Variants in FAM227A observed in about 807,000 individuals in gnomAD.
FAM227A encodes protein FAM227A.
FAM227A carries 80 observed loss-of-function variants against 74.7 expected under a neutral mutation model. That is an observed-to-expected ratio of 1.07 (90% confidence interval 0.89 to 1.29). The LOEUF is 1.29. FAM227A is among the 50% of genes most tolerant of loss of function. The probability of loss-of-function intolerance (pLI) is 0.00; values close to 1 mark genes in which losing one functional copy is unlikely to be tolerated. For missense variants in FAM227A, 654 were observed against 683.4 expected, an observed-to-expected ratio of 0.96 and a Z score of 0.48; for synonymous variants, 237 against 241.8, an observed-to-expected ratio of 0.98 and a Z score of 0.19.
chr22:38,590,150 G>A (rs1002800418), intron 16 of FAM227A, among the ~76,000 whole-genome samples: 1 of 151,342 alleles, frequency 6.6e-6, no homozygotes, highest in Non-Finnish European at 1.5e-5. Context: ...ATGGTGGCAC[G>A]CGCCTGTAGT....
chr22:38,645,752 TAATTA>T, intron 2 of FAM227A, 107 bp from the exon 3 acceptor site: 1 of 656,708 alleles, frequency 1.5e-6, no homozygotes, highest in Non-Finnish European at 2.6e-6. Flanking sequence ...CCTCTCTCCT[TAATTA>T]TTTTCTTTGC....
At chr22:38,634,053 T>A (rs1391548491) in intron 6 of FAM227A, among the ~76,000 whole-genome samples, 1 of 151,482 alleles carries the variant, frequency 6.6e-6, no homozygotes, top group Non-Finnish European at 1.5e-5. Flanking sequence ...ACCCTGTCTC[T>A]ACTAAAAATA....
chr22:38,625,679 C>G (rs1411943608), intron 9 of FAM227A, among the ~76,000 whole-genome samples: 2 of 152,128 alleles, frequency 1.3e-5, no homozygotes, highest in Admixed American at 1.3e-4. Flanking sequence ...GGCGCCATGG[C>G]TCATGCCTGT....
chr22:38,588,167 A>G (rs1210641466), intron 16 of FAM227A, among the ~76,000 whole-genome samples: 2 of 152,216 alleles, frequency 1.3e-5, no homozygotes, highest in African/African-American at 2.4e-5. Flanking sequence ...GCCTCCTTTC[A>G]TGGCTGGTAT....
chr22:38,626,505 C>T (rs552338948), intron 8 of FAM227A, among the ~76,000 whole-genome samples: 3 of 151,874 alleles, frequency 2.0e-5, no homozygotes, highest in African/African-American at 4.8e-5. Context: ...TCAGCCTTCT[C>T]GGTAGCTGGG....
rs972499928 is a variant in FAM227A at position 38,599,713 on chromosome 22, G to A, written c.1379+51C>T. The A allele has an allele frequency of 2.7e-6, 4 of 1,489,512 alleles. No individual in the cohort carries two copies. The Admixed American group carries it at 9.2e-5, about 34-fold the overall frequency. The allele number at this position is 1,489,512 out of a possible 1,614,324, so 92.3% of individuals were successfully genotyped here. ...TCCCTGACCTTTGCTTCTGGGAAGAGGACGCGGGGGCCTGGAGCAGTGCGC... is the reference window on the plus strand; with the variant it reads ...TCCCTGACCTTTGCTTCTGGGAAGAAGACGCGGGGGCCTGGAGCAGTGCGC... On this transcript the variant is annotated intron_variant, in intron 14 of 16. Transcript: ENST00000535113.
chr22:38,643,864 C>A (rs964212769), intron 3 of FAM227A, among the ~76,000 whole-genome samples: 3 of 152,082 alleles, frequency 2.0e-5, no homozygotes, highest in African/African-American at 7.2e-5. Flanking sequence ...CCAGAGGGAA[C>A]TGGCCAGGCG....
At chr22:38,603,776 T>C (rs992047309) in intron 13 of FAM227A, among the ~76,000 whole-genome samples, 1 of 152,134 alleles carries the variant, frequency 6.6e-6, no homozygotes, top group African/African-American at 2.4e-5. Context: ...ACAAATTAGA[T>C]AACAAATGCT....
intron 14 of FAM227A, 152 bp downstream of exon 14, chr22:38,599,612 C>T (rs1385433714): frequency 5.0e-6 from 3 of 595,000 alleles, no homozygotes; most frequent in African/African-American, 3.8e-5. Flanking sequence ...GATTCTGACC[C>T]TGAGGCTCGC....
intron 6 of FAM227A, among the ~76,000 whole-genome samples, chr22:38,634,963 G>A (rs1033190604): frequency 2.0e-5 from 3 of 152,026 alleles, no homozygotes; most frequent in African/African-American, 7.2e-5. Flanking sequence ...AAGAGAGGAG[G>A]GGGTCGGGCG....
chr22:38,645,069 G>C (rs1304071968), intron 3 of FAM227A, among the ~76,000 whole-genome samples: 2 of 146,990 alleles, frequency 1.4e-5, no homozygotes, highest in East Asian at 2.1e-4. Context: ...TCTGGCGACA[G>C]AGCAAGTCTC....
intron 2 of FAM227A, among the ~76,000 whole-genome samples, chr22:38,649,723 C>T (rs1207225445): frequency 6.6e-6 from 1 of 151,766 alleles, no homozygotes; most frequent in Middle Eastern, 3.4e-3. Flanking sequence ...AAAATATTAG[C>T]CAGGTGTGGT....
rs1338126030 is a variant in FAM227A at position 38,656,161 on chromosome 22, CGCCACGGGT to C, written c.-145_-137del. Reference sequence around the variant, plus strand: ...AATTTGACGAACCCGGGGCCGGTCCCGCCACGGGTCCCTCAGGGGACCCCGCAAAGTTCT... The same window carrying C: ...AATTTGACGAACCCGGGGCCGGTCCCCCCTCAGGGGACCCCGCAAAGTTCT... On this transcript the variant is annotated 5_prime_UTR_variant, in exon 1 of 17. Transcript: ENST00000535113. The C allele has an allele frequency of 1.3e-5, 2 of 152,254 alleles. No individual in the cohort carries two copies. Among genetic ancestry groups the C allele is most frequent in the Non-Finnish European group, 2.9e-5 (2 of 68,074 alleles). 9.4% of individuals were successfully genotyped at this position (152,254 alleles called of 1,614,324 possible). A position where few individuals can be genotyped will look rare whatever the true frequency, so the allele number is the denominator to read the frequency against.
At chr22:38,602,913 G>A (rs1365758415) in intron 13 of FAM227A, among the ~76,000 whole-genome samples, 5 of 152,004 alleles carry the variant, frequency 3.3e-5, no homozygotes, top group African/African-American at 9.7e-5. Flanking sequence ...TCACTCTGTC[G>A]CCCAGGCTGG....
At position 38,580,724 on chromosome 22, in the gene FAM227A, C is replaced by A. The variant is rs1228361176; in HGVS notation, c.*5401G>T. On this transcript the variant is annotated 3_prime_UTR_variant, in exon 17 of 17. Transcript: ENST00000535113. ...TGATAAATGCTTATTCATTTACTTA[C>A]CAATTTTCAAAATAATGAGGAAGTT... 1 of 152,176 alleles carries A rather than the reference C, an allele frequency of 6.6e-6. No homozygotes were observed. The highest frequency in any genetic ancestry group is 1.5e-5 in the Non-Finnish European group (1 of 68,036). 9.4% of individuals were successfully genotyped at this position (152,176 alleles called of 1,614,324 possible).
In FAM227A at chr22:38,632,841, C is replaced by T. The variant is rs544866796; in HGVS notation, c.519+3610G>A. Among the ~76,000 whole-genome samples, 21 of 152,290 alleles carry T rather than the reference C, an allele frequency of 1.4e-4. 1 individual carries two copies. The highest frequency in any genetic ancestry group is 5.2e-4 in the Admixed American group (8 of 15,292). Reference sequence around the variant, plus strand: ...ACAACAGAAACACAGTCTTTAGATTCGACAAGGTGAAAGCTAATGATTGAC... The same window carrying T: ...ACAACAGAAACACAGTCTTTAGATTTGACAAGGTGAAAGCTAATGATTGAC... On this transcript the variant is annotated intron_variant, in intron 6 of 16. Coordinates refer to ENST00000535113, the MANE Select transcript of FAM227A (RefSeq NM_001013647.2).
At position 38,582,695 on chromosome 22, in the gene FAM227A, C is replaced by A. The variant is rs915598594; in HGVS notation, c.*3430G>T. 1 of 926,558 alleles carries A rather than the reference C, an allele frequency of 1.1e-6. No individual in the cohort carries two copies. Among genetic ancestry groups the A allele is most frequent in the Non-Finnish European group, 1.6e-6 (1 of 622,606 alleles). The allele number at this position is 926,558 out of a possible 1,614,324, so 57.4% of individuals were successfully genotyped here. A position where few individuals can be genotyped will look rare whatever the true frequency, so the allele number is the denominator to read the frequency against. ...CAAATGGTCCTGACAGACAGAAATG[C>A]AGTTTGTCCTGGGCTTAGAAAATAA... On this transcript the variant is annotated 3_prime_UTR_variant, in exon 17 of 17. Coordinates refer to ENST00000535113, the MANE Select transcript of FAM227A (RefSeq NM_001013647.2).
At chr22:38,646,936 G>A (rs1220389341) in intron 2 of FAM227A, among the ~76,000 whole-genome samples, 2 of 149,826 alleles carry the variant, frequency 1.3e-5, no homozygotes, top group African/African-American at 2.5e-5. Flanking sequence ...AGATCACGAT[G>A]TTAGGAGTTT....
chr22:38,593,093 T>C (rs942995474), intron 15 of FAM227A, among the ~76,000 whole-genome samples: 15 of 152,368 alleles, frequency 9.8e-5, no homozygotes, highest in African/African-American at 2.6e-4. Flanking sequence ...TGCCATTCCA[T>C]GGATCCCGCC....
Sources: gnomAD v4.1 joint callset for allele counts (sites outside exome capture counted in the v4.1 genomes callset) on GRCh38, gnomAD v4.1.1 for gene constraint, MANE v1.5 for transcripts, NCBI Gene and HGNC (gene_info 2026-07-23, HGNC 2026-07-21) for gene names.